Variants in ASTN1 observed in about 807,000 individuals in gnomAD.
ASTN1 encodes astrotactin-1.
A neutral mutation model predicts 140.7 loss-of-function variants in ASTN1; 41 were observed. The observed-to-expected ratio is 0.29, with a 90% confidence interval of 0.23 to 0.38. The LOEUF (loss-of-function observed/expected upper bound fraction) is 0.38. Ranked by LOEUF, ASTN1 falls within the 10% of genes least tolerant of loss-of-function variation. The pLI, the probability that ASTN1 is intolerant of heterozygous loss-of-function variation, is 1.00. For missense variants in ASTN1, 1,479 were observed against 1,678.8 expected, an observed-to-expected ratio of 0.88 and a Z score of 2.08; for synonymous variants, 640 against 652.2, an observed-to-expected ratio of 0.98 and a Z score of 0.29.
chr1:176,987,310 T>C (rs1461790447), intron 8 of ASTN1, among the ~76,000 whole-genome samples: 2 of 152,212 alleles, frequency 1.3e-5, no homozygotes, highest in Non-Finnish European at 2.9e-5. Context: ...ATGGCCAATA[T>C]ATATATGAAC....
At chr1:177,037,218 C>T (rs573668859) in intron 2 of ASTN1, among the ~76,000 whole-genome samples, 16 of 151,970 alleles carry the variant, frequency 1.1e-4, no homozygotes, top group Non-Finnish European at 1.5e-4. Flanking sequence ...AAGAGTCTAG[C>T]GAAATGAAAA....
intron 9 of ASTN1, among the ~76,000 whole-genome samples, chr1:176,964,557 G>A (rs1672793771): frequency 6.6e-6 from 1 of 152,152 alleles, no homozygotes; most frequent in African/African-American, 2.4e-5. Context: ...TTCCTCTGCT[G>A]TGGGCCTTTC....
intron 8 of ASTN1, among the ~76,000 whole-genome samples, chr1:177,000,741 C>T (rs963787834): frequency 2.0e-5 from 3 of 152,144 alleles, no homozygotes; most frequent in Non-Finnish European, 4.4e-5. Context: ...TTTTGCTCAG[C>T]CTAAAGAACT....
At chr1:176,905,732 G>A (rs2103052936) in intron 16 of ASTN1, among the ~76,000 whole-genome samples, 1 of 152,176 alleles carries the variant, frequency 6.6e-6, no homozygotes, top group African/African-American at 2.4e-5. Context: ...AAAATGTGCT[G>A]AGTGGATCAG....
At chr1:176,950,010 G>A (rs1672131201) in intron 11 of ASTN1, among the ~76,000 whole-genome samples, 8 of 152,182 alleles carry the variant, frequency 5.3e-5, no homozygotes, top group Admixed American at 5.2e-4. Context: ...GCTGCACTTG[G>A]ATTTGGCTGG....
At chr1:177,014,945 A>T in intron 7 of ASTN1, 70 bp from the exon 8 acceptor site, 3 of 1,399,544 alleles carry the variant, frequency 2.1e-6, no homozygotes, top group Non-Finnish European at 3.0e-6. Context: ...TGTTTGTAAA[A>T]ATTAACATGA....
chr1:177,073,395 T>C (rs12741354), intron 1 of ASTN1, among the ~76,000 whole-genome samples: 60,637 of 151,380 alleles, frequency 0.4, 13,335 homozygotes, highest in Non-Finnish European at 0.5. Flanking sequence ...CAGTACTTCC[T>C]TTCATTTGCC....
chr1:176,880,108 T>C (rs1435912450), intron 20 of ASTN1, among the ~76,000 whole-genome samples: 5 of 152,194 alleles, frequency 3.3e-5, no homozygotes, highest in African/African-American at 1.2e-4. Flanking sequence ...ATTTACTGCT[T>C]TGTCCAAAAC....
chr1:177,080,802 C>T (rs1027006062), intron 1 of ASTN1, among the ~76,000 whole-genome samples: 5 of 152,146 alleles, frequency 3.3e-5, no homozygotes, highest in African/African-American at 9.7e-5. Flanking sequence ...CCAACTCTGA[C>T]ATTTGCTAGT....
intron 1 of ASTN1, among the ~76,000 whole-genome samples, chr1:177,128,658 G>C (rs1056315056): frequency 6.6e-6 from 1 of 152,074 alleles, no homozygotes; most frequent in African/African-American, 2.4e-5. Context: ...TTTTTTCTGT[G>C]ATTTCAAAAG....
At chr1:177,061,992 A>G (rs1276967073) in intron 1 of ASTN1, among the ~76,000 whole-genome samples, 3 of 152,220 alleles carry the variant, frequency 2.0e-5, no homozygotes, top group Non-Finnish European at 4.4e-5. Context: ...CGAGACTAGC[A>G]TCAATGACTT....
At chr1:177,044,794 G>C (rs955187328) in intron 2 of ASTN1, among the ~76,000 whole-genome samples, 1 of 152,154 alleles carries the variant, frequency 6.6e-6, no homozygotes, top group African/African-American at 2.4e-5. Flanking sequence ...TGAACCCATG[G>C]GGTCATTCCC....
rs1459211772 is a variant in ASTN1 at position 177,023,548 on chromosome 1, C to T, written c.1294G>A (p.Gly432Arg). ...ADGSRFILLE[G>R]SQLDASDWLN... The stretch of plus-strand genomic sequence containing the variant: ...CAGTCACTGGCATCCAGCTGGCTCC[C>T]CTCCAGCAAGATGAAGCGGCTCCCT... Residue 432 changes from glycine to arginine, a missense_variant, in exon 7 of 23, where the codon GGG (glycine) becomes AGG (arginine). Around this residue, in one of 3 missense-constraint regions of ASTN1, gnomAD observed 729 missense variants for 860.4 expected, o/e 0.85. Coordinates refer to ENST00000361833, the MANE Select transcript of ASTN1 (RefSeq NM_004319.3). 3 of 1,598,994 alleles carry T rather than the reference C, an allele frequency of 1.9e-6. No homozygotes were observed. Among genetic ancestry groups the T allele is most frequent in the Non-Finnish European group, 1.7e-6 (2 of 1,175,040 alleles).
chr1:177,050,371 C>T (rs1677478782), intron 2 of ASTN1, among the ~76,000 whole-genome samples: 1 of 152,166 alleles, frequency 6.6e-6, no homozygotes, highest in African/African-American at 2.4e-5. Context: ...GCCCAGCAGG[C>T]CCCAGATACG....
At chr1:176,959,741 G>A (rs1472912455) in intron 9 of ASTN1, among the ~76,000 whole-genome samples, 1 of 152,174 alleles carries the variant, frequency 6.6e-6, no homozygotes, top group Admixed American at 6.5e-5. Flanking sequence ...AAGTGGCCAG[G>A]ATATGGGGGA....
chr1:177,150,686 A>G (rs1323212466), intron 1 of ASTN1, among the ~76,000 whole-genome samples: 1 of 152,104 alleles, frequency 6.6e-6, no homozygotes, highest in African/African-American at 2.4e-5. Flanking sequence ...GTGTGACCCT[A>G]GTTATGGGTA....
chr1:176,952,810 A>G (rs1296369060), intron 11 of ASTN1, among the ~76,000 whole-genome samples: 2 of 152,156 alleles, frequency 1.3e-5, no homozygotes, highest in Non-Finnish European at 2.9e-5. Context: ...GGCTCTGGAC[A>G]ATGCCTCCAC....
chr1:176,892,177 A>G (rs958913271), intron 17 of ASTN1, among the ~76,000 whole-genome samples: 3 of 152,224 alleles, frequency 2.0e-5, no homozygotes, highest in Non-Finnish European at 1.5e-5. Flanking sequence ...CCTTATAATG[A>G]TGTTCTGAGG....
chr1:176,982,911 G>A (rs1246805680), intron 8 of ASTN1, among the ~76,000 whole-genome samples: 1 of 152,120 alleles, frequency 6.6e-6, no homozygotes. Flanking sequence ...AGGTAAGGAA[G>A]GTAAGGAATA....
Sources: allele counts gnomAD v4.1 joint callset (sites outside exome capture counted in the v4.1 genomes callset), GRCh38; gene constraint gnomAD v4.1.1; regional missense constraint gnomAD v4.1.1; transcripts MANE v1.5; gene names NCBI Gene and HGNC (gene_info 2026-07-23, HGNC 2026-07-21).